Variants in SBNO1 observed in about 807,000 individuals in gnomAD.
SBNO1 encodes the protein strawberry notch homolog 1.
SBNO1 carries 23 observed loss-of-function variants against 173.6 expected under a neutral mutation model. The observed-to-expected ratio is 0.13, with a 90% CI of 0.10 to 0.19. The LOEUF (loss-of-function observed/expected upper bound fraction) is 0.19, where lower values mean the gene tolerates loss of function less well. Among genes scored for constraint, SBNO1 ranks in the 10% least tolerant of loss-of-function variants. SBNO1 has a pLI of 1.00. For synonymous variants in SBNO1, 632 were observed against 571.5 expected (o/e 1.11, Z -1.51); for missense variants, 1,238 against 1,671.2 (o/e 0.74, Z 4.52).
At chr12:123,362,547 C>T (rs2139118825) in intron 1 of SBNO1, among the ~76,000 whole-genome samples, 1 of 149,074 alleles carries the variant, frequency 6.7e-6, no homozygotes, top group Middle Eastern at 3.5e-3. Context: ...GAGTGGATCA[C>T]TTGAGGTCAC....
intron 3 of SBNO1, among the ~76,000 whole-genome samples, chr12:123,345,938 C>T (rs759220047): frequency 3.9e-5 from 6 of 152,360 alleles, no homozygotes; most frequent in Middle Eastern, 3.4e-3. Flanking sequence ...GCTGGGACTA[C>T]AGGCGTGAGC....
chr12:123,309,122 A>G (rs1479334452), intron 28 of SBNO1, among the ~76,000 whole-genome samples, 188 bp downstream of exon 28: 1 of 152,186 alleles, frequency 6.6e-6, no homozygotes, highest in Admixed American at 6.6e-5. Flanking sequence ...CACACCTAAT[A>G]ACATCCTTTA....
chr12:123,352,698 T>A (rs190717795), intron 1 of SBNO1, among the ~76,000 whole-genome samples: 1 of 152,350 alleles, frequency 6.6e-6, no homozygotes, highest in African/African-American at 2.4e-5. Context: ...TTTAGACAGA[T>A]GTTCTAATGG....
intron 3 of SBNO1, among the ~76,000 whole-genome samples, chr12:123,346,805 C>T (rs966269906): frequency 2.0e-5 from 3 of 150,652 alleles, no homozygotes; most frequent in Admixed American, 6.6e-5. Context: ...GGGCTGGGAG[C>T]GGTGGCTCAC....
At chr12:123,351,135 A>G (rs541836982) in intron 1 of SBNO1, among the ~76,000 whole-genome samples, 145 of 152,058 alleles carry the variant, frequency 9.5e-4, no homozygotes, top group Non-Finnish European at 1.5e-3. Flanking sequence ...AAAAAAAAAA[A>G]AGAAAAAGAA....
At chr12:123,328,317 G>C (rs1189167173) in intron 10 of SBNO1, among the ~76,000 whole-genome samples, 1 of 152,186 alleles carries the variant, frequency 6.6e-6, no homozygotes, top group Non-Finnish European at 1.5e-5. Flanking sequence ...AAAAGTAGAA[G>C]CATGATTGGT....
In SBNO1 at chr12:123,309,564, T is replaced by C. The variant is rs115524385; in HGVS notation, c.3462A>G (p.Glu1154=). ...MGILDLGSGD[E]KVRKSDVKKF... ...TTTTAACATCACTTTTCCGCACTTTTTCATCTCCAGAACCAAGATCTTGAA... is the reference window on the plus strand; with the variant it reads ...TTTTAACATCACTTTTCCGCACTTTCTCATCTCCAGAACCAAGATCTTGAA... Residue 1154 remains glutamate, a synonymous_variant, in exon 27 of 32, where the codon GAA becomes GAG. Transcript: ENST00000602398. 1.2e-6 allele frequency: 2 copies of C among 1,613,910 alleles called. No homozygotes were observed. Among genetic ancestry groups the C allele is most frequent in the East Asian group, 2.2e-5 (1 of 44,872 alleles).
chr12:123,299,723 C>T (rs1157117093), intron 30 of SBNO1, among the ~76,000 whole-genome samples: 1 of 148,244 alleles, frequency 6.7e-6, no homozygotes, highest in African/African-American at 2.4e-5. Flanking sequence ...TGTGTTGGCG[C>T]ATGCCTGTAA....
intron 25 of SBNO1, 21 bp from the exon 26 acceptor site, chr12:123,309,877 C>G (rs200446253): frequency 6.5e-7 from 1 of 1,540,348 alleles, no homozygotes; most frequent in Admixed American, 2.1e-5. Context: ...AAAAGATAAA[C>G]GTTTTCATGC....
chr12:123,315,867 CAT>C (rs147441766), intron 21 of SBNO1, among the ~76,000 whole-genome samples: 61 of 152,314 alleles, frequency 4.0e-4, no homozygotes, highest in African/African-American at 1.4e-3. Flanking sequence ...TGCTTAACCA[CAT>C]GTTACTGATG....
At chr12:123,299,109 C>T (rs990216391) in intron 30 of SBNO1, among the ~76,000 whole-genome samples, 1 of 152,230 alleles carries the variant, frequency 6.6e-6, no homozygotes, top group Admixed American at 6.5e-5. Context: ...TGGCTCACGC[C>T]TGTAATCCCA....
At chr12:123,345,157 T>C in intron 4 of SBNO1, 101 bp downstream of exon 4, 4 of 1,017,834 alleles carry the variant, frequency 3.9e-6, no homozygotes, top group Non-Finnish European at 4.4e-6. Context: ...ATAACACCCT[T>C]TTATGGCCAG....
chr12:123,305,979 A>C (rs992295069), intron 28 of SBNO1, among the ~76,000 whole-genome samples: 1 of 152,206 alleles, frequency 6.6e-6, no homozygotes, highest in African/African-American at 2.4e-5. Context: ...AGCCCTCTAC[A>C]CAATAAATCA....
At chr12:123,300,289 G>C (rs972215785) in intron 30 of SBNO1, among the ~76,000 whole-genome samples, 35 of 151,992 alleles carry the variant, frequency 2.3e-4, no homozygotes, top group African/African-American at 8.2e-4. Context: ...TCAAACTCCC[G>C]GCCTCAAGCA....
intron 30 of SBNO1, among the ~76,000 whole-genome samples, chr12:123,302,179 T>TG (rs1419364574): frequency 6.6e-6 from 1 of 151,664 alleles, no homozygotes; most frequent in African/African-American, 2.4e-5. Flanking sequence ...ATTATCCACC[T>TG]GCCTTGGCCT....
In SBNO1 at chr12:123,313,238, AAATAAATAAATAAAT is replaced by A. The variant is rs1188353834; in HGVS notation, c.3220+367_3220+381del. Among the ~76,000 whole-genome samples the A allele has an allele frequency of 5.4e-5, 8 of 148,642 alleles. No homozygotes were observed. In the South Asian group the frequency reaches 1.7e-3, roughly 31 times the overall value. On this transcript the variant is annotated intron_variant, in intron 24 of 31. Coordinates refer to ENST00000602398, the MANE Select transcript of SBNO1 (RefSeq NM_001167856.3). ...TAAATAAATAAATAAATAAATAAAT[AAATAAATAAATAAAT>A]AATTTTTAAAAAAGACTCGGTCTTA...
In SBNO1 at chr12:123,315,828, CA is replaced by C. The variant is rs1869191405; in HGVS notation, c.2936-169del. Among the ~76,000 whole-genome samples, 3 of 152,288 alleles carry C rather than the reference CA, an allele frequency of 2.0e-5. No individual in the cohort carries two copies. In the South Asian group the frequency reaches 6.2e-4, roughly 32 times the overall value. On this transcript the variant is annotated intron_variant, in intron 21 of 31. Coordinates refer to ENST00000602398, the MANE Select transcript of SBNO1 (RefSeq NM_001167856.3). ...TAACACACATAAAACTGCTCAATGA[CA>C]GAAGTATTAGCATTGCTACCCCAAT...
intron 1 of SBNO1, among the ~76,000 whole-genome samples, chr12:123,357,373 CA>C: frequency 1.3e-5 from 2 of 151,592 alleles, no homozygotes; most frequent in Middle Eastern, 7.0e-3. Flanking sequence ...CACCGGAACC[CA>C]GGGGGTGAAG....
At chr12:123,325,346 A>G (rs965409501) in intron 15 of SBNO1, among the ~76,000 whole-genome samples, 156 bp downstream of exon 15, 2 of 152,240 alleles carry the variant, frequency 1.3e-5, no homozygotes, top group African/African-American at 4.8e-5. Flanking sequence ...TTTCCAATAG[A>G]TACACTGTTA....
Sources: gnomAD v4.1 joint callset for allele counts (sites outside exome capture counted in the v4.1 genomes callset) on GRCh38, gnomAD v4.1.1 for gene constraint, MANE v1.5 for transcripts, NCBI Gene and HGNC (gene_info 2026-07-23, HGNC 2026-07-21) for gene names.